Variants in SYT9 observed in about 807,000 individuals in gnomAD.
SYT9 encodes the protein synaptotagmin 9, also known as synaptotagmin-9.
SYT9 carries 22 observed loss-of-function variants against 48.4 expected under a neutral mutation model. The observed-to-expected ratio is 0.45, with a 90% CI of 0.32 to 0.65. The LOEUF (loss-of-function observed/expected upper bound fraction) is 0.65. SYT9 is among the 30% of genes least tolerant of loss of function. The pLI is 0.03. For synonymous variants in SYT9, 265 were observed against 245.0 expected (o/e 1.08, Z -0.76); for missense variants, 577 against 622.0 (o/e 0.93, Z 0.77).
chr11:7,281,265 A>G (rs1273106420), intron 1 of SYT9, among the ~76,000 whole-genome samples: 2 of 152,248 alleles, frequency 1.3e-5, no homozygotes, highest in Non-Finnish European at 2.9e-5. Flanking sequence ...GAATTCCTAA[A>G]CAGATGAGAT....
chr11:7,343,535 G>A (rs886126148), intron 3 of SYT9, among the ~76,000 whole-genome samples: 1 of 152,156 alleles, frequency 6.6e-6, no homozygotes, highest in African/African-American at 2.4e-5. Flanking sequence ...ACCTCAGCCT[G>A]GATTTAATGG....
chr11:7,350,217 A>G (rs1250024406), intron 3 of SYT9, among the ~76,000 whole-genome samples: 1 of 152,190 alleles, frequency 6.6e-6, no homozygotes, highest in Non-Finnish European at 1.5e-5. Context: ...AACATTACAT[A>G]TGGTTGGAAA....
Position 7,467,293 on chromosome 11 carries a change from G to C in SYT9, c.*493G>C, listed in dbSNP as rs1209327287. The C allele has an allele frequency of 6.5e-6, 1 of 153,502 alleles. No homozygotes were observed. Among genetic ancestry groups the C allele is most frequent in the African/African-American group, 2.4e-5 (1 of 41,460 alleles). The allele number at this position is 153,502 out of a possible 1,614,324, so 9.5% of individuals were successfully genotyped here. A position where few individuals can be genotyped will look rare whatever the true frequency, so the allele number is the denominator to read the frequency against. On this transcript the variant is annotated 3_prime_UTR_variant, in exon 7 of 7. Coordinates refer to ENST00000318881, the MANE Select transcript of SYT9 (RefSeq NM_175733.4). Reference sequence around the variant, plus strand: ...ACCTTTGAGCTAATGACTGTCTCCAGAAAATAACTGTGCCCCAAGAAGTGC... The same window carrying C: ...ACCTTTGAGCTAATGACTGTCTCCACAAAATAACTGTGCCCCAAGAAGTGC...
intron 3 of SYT9, among the ~76,000 whole-genome samples, chr11:7,372,924 G>A (rs955636018): frequency 1.3e-5 from 2 of 152,008 alleles, no homozygotes; most frequent in African/African-American, 2.4e-5. Flanking sequence ...TAGTGTTACA[G>A]TATTAGGTTT....
intron 3 of SYT9, among the ~76,000 whole-genome samples, chr11:7,385,020 T>A (rs1850631181): frequency 1.3e-5 from 2 of 152,122 alleles, no homozygotes; most frequent in Admixed American, 6.6e-5. Context: ...CTGACCTCCC[T>A]ATTTAATATA....
At chr11:7,239,690 G>A (rs745622534) in intron 1 of SYT9, among the ~76,000 whole-genome samples, 15 of 152,238 alleles carry the variant, frequency 9.9e-5, no homozygotes, top group South Asian at 2.1e-4. Context: ...ATGGTGGTTC[G>A]TATTAGGGTA....
chr11:7,400,583 A>G (rs539136081), intron 3 of SYT9, among the ~76,000 whole-genome samples: 16 of 152,332 alleles, frequency 1.1e-4, no homozygotes, highest in African/African-American at 3.6e-4. Context: ...TGACATCATG[A>G]AAATGTGTGA....
chr11:7,460,651 T>C (rs945717977), intron 6 of SYT9, among the ~76,000 whole-genome samples: 12 of 152,208 alleles, frequency 7.9e-5, no homozygotes, highest in Non-Finnish European at 1.3e-4. Flanking sequence ...ATGGTGACTA[T>C]AAATTTAACT....
intron 6 of SYT9, among the ~76,000 whole-genome samples, chr11:7,421,561 C>T (rs1238682256): frequency 6.6e-6 from 1 of 152,142 alleles, no homozygotes; most frequent in Admixed American, 6.5e-5. Context: ...TGGAGTCAAC[C>T]GGCCATCATT....
chr11:7,312,429 A>C (rs149205357), intron 2 of SYT9, among the ~76,000 whole-genome samples: 2 of 152,334 alleles, frequency 1.3e-5, no homozygotes, highest in East Asian at 3.9e-4. Flanking sequence ...GAATGCATAC[A>C]ATACAATATA....
At chr11:7,415,094 C>G (rs1270464177) in intron 3 of SYT9, among the ~76,000 whole-genome samples, 3 of 142,640 alleles carry the variant, frequency 2.1e-5, no homozygotes, top group Admixed American at 6.9e-5. Context: ...GATATCTTCC[C>G]CAGTGGAGGG....
chr11:7,298,162 C>G (rs1056938343), intron 1 of SYT9, among the ~76,000 whole-genome samples: 2 of 152,056 alleles, frequency 1.3e-5, no homozygotes, highest in African/African-American at 4.8e-5. Context: ...GATAAATACT[C>G]TACATATCAT....
rs61595693 is a variant in SYT9, at chr11:7,430,765, A to T, written c.1467+10130A>T. ...CCTTGCTTCTGCTCTGCCAAGTGAG[A>T]TGCTGGCTCCTCCTTTGCCTTCTGC... On this transcript the variant is annotated intron_variant, in intron 6 of 6. Coordinates refer to ENST00000318881, the MANE Select transcript of SYT9 (RefSeq NM_175733.4). 5.6e-3 allele frequency among the ~76,000 whole-genome samples: 848 copies of T among 152,216 alleles called. 7 individuals carry two copies. The highest frequency in any genetic ancestry group is 0.02 in the African/African-American group (810 of 41,520).
chr11:7,304,456 AG>A (rs1404232283), intron 2 of SYT9, among the ~76,000 whole-genome samples: 1 of 152,244 alleles, frequency 6.6e-6, no homozygotes, highest in African/African-American at 2.4e-5. Context: ...GTTATTTGGA[AG>A]GTATAAACAC....
intron 1 of SYT9, among the ~76,000 whole-genome samples, chr11:7,298,468 C>T (rs1293485999): frequency 6.6e-6 from 1 of 152,108 alleles, no homozygotes; most frequent in Non-Finnish European, 1.5e-5. Context: ...GATGGCTCAG[C>T]TTGGTTACCT....
intron 1 of SYT9, among the ~76,000 whole-genome samples, chr11:7,255,104 C>T (rs770731995): frequency 1.3e-5 from 2 of 152,194 alleles, no homozygotes; most frequent in Admixed American, 6.5e-5. Flanking sequence ...TGAGTGTGAG[C>T]ACTTTTGTCC....
intron 6 of SYT9, among the ~76,000 whole-genome samples, chr11:7,437,385 G>A (rs1454609465): frequency 1.3e-5 from 2 of 152,118 alleles, no homozygotes; most frequent in Non-Finnish European, 2.9e-5. Flanking sequence ...AAAGTTTCAC[G>A]AAATTAATAA....
chr11:7,385,250 A>G (rs1850634856), intron 3 of SYT9, among the ~76,000 whole-genome samples: 1 of 152,034 alleles, frequency 6.6e-6, no homozygotes, highest in South Asian at 2.1e-4. Flanking sequence ...CAGAACCCAG[A>G]GTACCAGGTA....
rs372600381 is a variant in SYT9, at chr11:7,466,817, T to G, written c.*17T>G. 1 of 1,612,750 alleles carries G rather than the reference T, an allele frequency of 6.2e-7. No homozygotes were observed. The highest frequency in any genetic ancestry group is 1.3e-5 in the African/African-American group (1 of 74,942). ...AAACGATGACCATGGGTAAGAGGAC[T>G]GCTTGTGCCAAGGACAAAATAGGAC... On this transcript the variant is annotated 3_prime_UTR_variant, in exon 7 of 7. Coordinates refer to ENST00000318881, the MANE Select transcript of SYT9 (RefSeq NM_175733.4).
Sources: allele counts gnomAD v4.1 joint callset (sites outside exome capture counted in the v4.1 genomes callset), GRCh38; gene constraint gnomAD v4.1.1; transcripts MANE v1.5; gene names NCBI Gene and HGNC (gene_info 2026-07-23, HGNC 2026-07-21).